The following DOK5 variants were observed in gnomAD, a reference collection of about 807,000 sequenced individuals.
The protein encoded by DOK5 is downstream of tyrosine kinase 5.
Under a neutral mutation model 43.3 loss-of-function variants are expected in DOK5, and 27 were observed. That is an observed-to-expected ratio of 0.62 (90% confidence interval 0.46 to 0.86). DOK5 has a LOEUF of 0.86. Among genes scored for constraint, DOK5 ranks in the 40% least tolerant of loss-of-function variants. The pLI, the probability that DOK5 is intolerant of heterozygous loss-of-function variation, is 0.00. For synonymous variants in DOK5, 146 were observed against 140.1 expected, an observed-to-expected ratio of 1.04 and a Z score of -0.30; for missense variants, 373 against 392.9, an observed-to-expected ratio of 0.95 and a Z score of 0.43.
chr20:54,620,938 A>AC lies in DOK5; in HGVS notation c.735+10417dup, dbSNP rs1406424085. ...ATAACTAGAAAGAAGTTAAGTGTCC[A>AC]CCACAAGGGGACAGATTATGGCACA... On this transcript the variant is annotated intron_variant, in intron 6 of 7. Coordinates refer to ENST00000262593, the MANE Select transcript of DOK5 (RefSeq NM_018431.5). Among the ~76,000 whole-genome samples the AC allele has an allele frequency of 3.9e-5, 6 of 152,354 alleles. No homozygotes were observed. In the East Asian group the frequency reaches 1.2e-3, roughly 29 times the overall value.
chr20:54,532,130 T>G (rs1371452725), intron 1 of DOK5, among the ~76,000 whole-genome samples: 1 of 152,224 alleles, frequency 6.6e-6, no homozygotes, highest in Non-Finnish European at 1.5e-5. Context: ...CTCTCATTTA[T>G]TAAACACTTA....
intron 6 of DOK5, among the ~76,000 whole-genome samples, chr20:54,633,297 A>T (rs1372808132): frequency 6.6e-6 from 1 of 152,118 alleles, no homozygotes; most frequent in African/African-American, 2.4e-5. Context: ...GAACCCAAAG[A>T]TATTGTTCAG....
intron 1 of DOK5, among the ~76,000 whole-genome samples, chr20:54,546,010 G>T (rs1984330830): frequency 6.6e-6 from 1 of 152,182 alleles, no homozygotes; most frequent in East Asian, 1.9e-4. Context: ...ATCCCTAAGA[G>T]TCCAACTTTG....
intron 2 of DOK5, among the ~76,000 whole-genome samples, chr20:54,566,147 GT>G (rs531739853): frequency 4.2e-4 from 60 of 143,006 alleles, no homozygotes; most frequent in Non-Finnish European, 6.8e-4. Context: ...CATTTCTACA[GT>G]TTTTTTTTTC....
chr20:54,642,748 AG>A (rs906961126), intron 6 of DOK5, among the ~76,000 whole-genome samples: 4 of 151,698 alleles, frequency 2.6e-5, no homozygotes, highest in African/African-American at 9.7e-5. Context: ...AAAACAAAAC[AG>A]AAAAACCCCA....
chr20:54,545,984 C>G (rs1000749853), intron 1 of DOK5, among the ~76,000 whole-genome samples: 1 of 152,204 alleles, frequency 6.6e-6, no homozygotes, highest in African/African-American at 2.4e-5. Flanking sequence ...GATCGACCAT[C>G]AGCCTGAGTT....
chr20:54,606,127 A>G (rs1312081472), intron 5 of DOK5, among the ~76,000 whole-genome samples: 1 of 152,218 alleles, frequency 6.6e-6, no homozygotes, highest in African/African-American at 2.4e-5. Flanking sequence ...TTCTTGAATA[A>G]TTGAATAATC....
chr20:54,511,966 G>A (rs551909018), intron 1 of DOK5, among the ~76,000 whole-genome samples: 22 of 152,260 alleles, frequency 1.4e-4, no homozygotes, highest in East Asian at 1.2e-3. Flanking sequence ...TAGATGATGG[G>A]GTAGGAGGAT....
chr20:54,517,845 A>C (rs767631750), intron 1 of DOK5, among the ~76,000 whole-genome samples: 2 of 152,236 alleles, frequency 1.3e-5, no homozygotes, highest in Non-Finnish European at 2.9e-5. Flanking sequence ...CACAGCTAAA[A>C]GATTGCTGTC....
chr20:54,587,756 G>C (rs146535717), intron 2 of DOK5, among the ~76,000 whole-genome samples: 1 of 152,096 alleles, frequency 6.6e-6, no homozygotes, highest in Admixed American at 6.6e-5. Context: ...GAGAGAGAAC[G>C]TCTAGTGGGG....
intron 4 of DOK5, 40 bp downstream of exon 4, chr20:54,588,846 C>T (rs1219470297): frequency 1.2e-6 from 2 of 1,607,492 alleles, no homozygotes; most frequent in East Asian, 4.5e-5. Flanking sequence ...TTCAAAACTG[C>T]TTCTGTCTCC....
At chr20:54,513,819 C>T (rs978608522) in intron 1 of DOK5, among the ~76,000 whole-genome samples, 19 of 152,212 alleles carry the variant, frequency 1.2e-4, no homozygotes, top group African/African-American at 2.9e-4. Context: ...TGAATAAATA[C>T]GAGAACAGTT....
intron 5 of DOK5, among the ~76,000 whole-genome samples, chr20:54,609,417 A>C (rs1480687854): frequency 6.6e-6 from 1 of 152,136 alleles, no homozygotes; most frequent in African/African-American, 2.4e-5. Context: ...AGCTTCTTTT[A>C]ATATCCCTGC....
chr20:54,616,790 T>C (rs1244330529), intron 6 of DOK5, among the ~76,000 whole-genome samples: 5 of 140,650 alleles, frequency 3.6e-5, no homozygotes, highest in Admixed American at 7.0e-5. Flanking sequence ...TTTTCTTTTT[T>C]TTTTTTTTTT....
intron 1 of DOK5, among the ~76,000 whole-genome samples, chr20:54,554,589 G>A (rs1434331099): frequency 6.6e-6 from 1 of 152,182 alleles, no homozygotes; most frequent in Non-Finnish European, 1.5e-5. Context: ...AGATTTAATT[G>A]CACTTGAAAT....
intron 1 of DOK5, among the ~76,000 whole-genome samples, chr20:54,524,280 G>T (rs749299752): frequency 1.5e-4 from 23 of 152,150 alleles, no homozygotes; most frequent in Non-Finnish European, 3.2e-4. Context: ...ATCCAACTCG[G>T]GATGTTTCTC....
chr20:54,614,265 G>A (rs1362863013), intron 6 of DOK5, among the ~76,000 whole-genome samples: 1 of 151,974 alleles, frequency 6.6e-6, no homozygotes, highest in African/African-American at 2.4e-5. Flanking sequence ...TACAATCTTG[G>A]TATTTATTTT....
At chr20:54,613,874 C>T (rs1378296166) in intron 6 of DOK5, among the ~76,000 whole-genome samples, 2 of 151,934 alleles carry the variant, frequency 1.3e-5, no homozygotes, top group African/African-American at 2.4e-5. Flanking sequence ...TGTGCCTGTC[C>T]TCCCAGCTAC....
intron 1 of DOK5, among the ~76,000 whole-genome samples, chr20:54,518,800 A>G (rs982623906): frequency 1.3e-5 from 2 of 152,114 alleles, no homozygotes; most frequent in South Asian, 2.1e-4. Flanking sequence ...TTTGCAATCT[A>G]CTCATGTAAT....
Sources: allele counts gnomAD v4.1 joint callset (sites outside exome capture counted in the v4.1 genomes callset), GRCh38; gene constraint gnomAD v4.1.1; transcripts MANE v1.5; gene names NCBI Gene and HGNC (gene_info 2026-07-23, HGNC 2026-07-21).